SMG6: variants seen among roughly 807,000 people sequenced by gnomAD.
The protein encoded by SMG6 is telomerase-binding protein EST1A.
A neutral mutation model predicts 142.2 loss-of-function variants in SMG6; 66 were observed. That is an observed-to-expected ratio of 0.46 (90% CI 0.38 to 0.57). The LOEUF (loss-of-function observed/expected upper bound fraction) is 0.57, where lower values mean the gene tolerates loss of function less well. Among genes scored for constraint, SMG6 ranks in the 20% least tolerant of loss-of-function variants. The probability of loss-of-function intolerance (pLI) is 0.00; values close to 1 mark genes in which losing one functional copy is unlikely to be tolerated. For missense variants in SMG6, 1,793 were observed against 1,832.0 expected, an observed-to-expected ratio of 0.98 and a Z score of 0.39; for synonymous variants, 779 against 702.4, an observed-to-expected ratio of 1.11 and a Z score of -1.72.
At chr17:2,303,585 G>C in intron 1 of SMG6, 48 bp downstream of exon 1, 2 of 1,377,214 alleles carry the variant, frequency 1.5e-6, no homozygotes, top group South Asian at 3.2e-5. Context: ...GGAGGAGAGG[G>C]AGGCGGGGCG....
At chr17:2,113,235 C>A (rs548182805) in intron 13 of SMG6, among the ~76,000 whole-genome samples, 1 of 152,032 alleles carries the variant, frequency 6.6e-6, no homozygotes. Context: ...TGCCACCATG[C>A]CTGGCCAATT....
At chr17:2,196,198 G>T (rs2072319589) in intron 10 of SMG6, among the ~76,000 whole-genome samples, 1 of 152,180 alleles carries the variant, frequency 6.6e-6, no homozygotes, top group Admixed American at 6.5e-5. Flanking sequence ...GAAGCGGGCA[G>T]ATCACCTGAG....
intron 8 of SMG6, among the ~76,000 whole-genome samples, chr17:2,272,332 C>T (rs1208817878): frequency 2.6e-5 from 4 of 152,178 alleles, no homozygotes; most frequent in Non-Finnish European, 5.9e-5. Context: ...TTCCTCTCTC[C>T]TCACCCCAAA....
At chr17:2,288,386 G>A (rs1324915185) in intron 6 of SMG6, among the ~76,000 whole-genome samples, 1 of 151,976 alleles carries the variant, frequency 6.6e-6, no homozygotes, top group Non-Finnish European at 1.5e-5. Context: ...TTGGGAGGCT[G>A]AGGCAGGTGG....
intron 13 of SMG6, among the ~76,000 whole-genome samples, chr17:2,103,125 T>A (rs1157690992): frequency 4.6e-5 from 7 of 152,214 alleles, no homozygotes. Context: ...TTCAACCAAC[T>A]GATTTCAAAT....
chr17:2,164,735 G>C (rs996237945), intron 13 of SMG6, among the ~76,000 whole-genome samples: 2 of 152,094 alleles, frequency 1.3e-5, no homozygotes, highest in African/African-American at 4.8e-5. Flanking sequence ...TCAGGCGTTT[G>C]AGACCAGCCT....
chr17:2,122,241 T>C (rs2069724907), intron 13 of SMG6: 1 of 152,142 alleles, frequency 6.6e-6, no homozygotes. Context: ...TCACAGCATG[T>C]AGGTACTGGG....
At chr17:2,104,198 A>G (rs1375525029) in intron 13 of SMG6, among the ~76,000 whole-genome samples, 5 of 151,672 alleles carry the variant, frequency 3.3e-5, no homozygotes, top group South Asian at 2.1e-4. Flanking sequence ...TGATCCGCCC[A>G]CCTCGGCCTC....
rs565248385 is a variant in SMG6, at chr17:2,104,240, C to T, written c.3358-18339G>A. 4.6e-5 allele frequency among the ~76,000 whole-genome samples: 7 copies of T among 152,028 alleles called. No individual in the cohort carries two copies. The South Asian group carries it at 1.0e-3, about 23-fold the overall frequency. The stretch of plus-strand genomic sequence containing the variant: ...TGCTGGGATTACAGGCGTGAGCCAC[C>T]GCGCCCGGCCACACCTGGCTAATTT... On this transcript the variant is annotated intron_variant, in intron 13 of 18. Coordinates refer to ENST00000263073, the MANE Select transcript of SMG6 (RefSeq NM_017575.5).
intron 13 of SMG6, among the ~76,000 whole-genome samples, chr17:2,119,767 T>C (rs1382803840): frequency 2.6e-5 from 4 of 152,212 alleles, no homozygotes; most frequent in Non-Finnish European, 5.9e-5. Flanking sequence ...GTTCATGCCA[T>C]TCTCCTGCCT....
chr17:2,223,937 GAAAA>G (rs2073246934), intron 10 of SMG6, among the ~76,000 whole-genome samples: 1 of 151,986 alleles, frequency 6.6e-6, no homozygotes, highest in African/African-American at 2.4e-5. Context: ...AAAAAGAAAA[GAAAA>G]GAAAGAAAGT....
intron 10 of SMG6, among the ~76,000 whole-genome samples, chr17:2,212,001 A>G (rs2072879863): frequency 6.6e-6 from 1 of 152,226 alleles, no homozygotes; most frequent in South Asian, 2.1e-4. Flanking sequence ...AGAAGTCAGT[A>G]CCAATTTCAA....
At chr17:2,176,900 T>A (rs952147546) in intron 12 of SMG6, among the ~76,000 whole-genome samples, 10 of 151,888 alleles carry the variant, frequency 6.6e-5, no homozygotes, top group African/African-American at 2.4e-4. Flanking sequence ...AAAATAAGAG[T>A]TAATTTACTT....
At chr17:2,137,793 G>C (rs963165660) in intron 13 of SMG6, among the ~76,000 whole-genome samples, 3 of 152,124 alleles carry the variant, frequency 2.0e-5, no homozygotes, top group Admixed American at 6.5e-5. Context: ...TCCCCCACCC[G>C]CAAGCTGGCT....
rs372621068 is a variant in SMG6 at position 2,085,785 on chromosome 17, G to A, written c.3474C>T (p.Pro1158=). The change falls in exon 14 of 19, where the codon CCC becomes CCT. Residue 1158 remains proline (P), a synonymous_variant. Transcript: ENST00000263073. This position sits in a 1 kb window ranked among gnomAD's most constrained non-coding sequence, Gnocchi z 4.1. ...FKGGKYVSVA[P]VPDTMGKEMG... is the part of the protein sequence containing the mutation. ...TTTCCTTTCCCATGGTGTCTGGGACGGGTGCCACTGACACATACTTTCCAC... is the reference window on the plus strand; with the variant it reads ...TTTCCTTTCCCATGGTGTCTGGGACAGGTGCCACTGACACATACTTTCCAC... The A allele has an allele frequency of 4.2e-5, 68 of 1,614,028 alleles. No homozygotes were observed. Among genetic ancestry groups the A allele is most frequent in the Non-Finnish European group, 5.2e-5 (61 of 1,180,018 alleles).
intron 15 of SMG6, among the ~76,000 whole-genome samples, chr17:2,069,406 G>A (rs546251366): frequency 6.6e-6 from 1 of 150,750 alleles, no homozygotes; most frequent in African/African-American, 2.4e-5. Context: ...TATACCCTGG[G>A]CAACATGCTG....
chr17:2,102,315 T>C (rs1003865224), intron 13 of SMG6, among the ~76,000 whole-genome samples: 9 of 152,118 alleles, frequency 5.9e-5, no homozygotes. Flanking sequence ...CTCAAATACT[T>C]ATCATTTTAT....
intron 8 of SMG6, among the ~76,000 whole-genome samples, chr17:2,273,031 T>C (rs1409978334): frequency 6.6e-6 from 1 of 152,190 alleles, no homozygotes; most frequent in East Asian, 1.9e-4. Context: ...ACCACTGTGC[T>C]TGGGGAGTGT....
chr17:2,271,445 G>A (rs1427509311), intron 8 of SMG6, among the ~76,000 whole-genome samples: 1 of 151,554 alleles, frequency 6.6e-6, no homozygotes, highest in East Asian at 2.0e-4. Context: ...CAGGCATGGT[G>A]GCTCATGCCT....
Sources: allele counts gnomAD v4.1 joint callset (sites outside exome capture counted in the v4.1 genomes callset), GRCh38; gene constraint gnomAD v4.1.1; non-coding constraint Gnocchi (gnomAD v3.1); transcripts MANE v1.5; gene names NCBI Gene and HGNC (gene_info 2026-07-23, HGNC 2026-07-21).